Variants in EXT2 observed in about 807,000 individuals in gnomAD.
EXT2 encodes exostosin glycosyltransferase 2, also known as exostosin-2.
Under a neutral mutation model 81.6 loss-of-function variants are expected in EXT2, and 53 were observed. The ratio of observed to expected loss-of-function variants is 0.65; its 90% CI spans 0.52 to 0.82. EXT2 has a LOEUF of 0.82. EXT2 is among the 40% of genes least tolerant of loss of function. The pLI is 0.00. For missense variants in EXT2, 774 were observed against 910.2 expected (o/e 0.85, Z 1.93); for synonymous variants, 320 against 340.0 (o/e 0.94, Z 0.65).
chr11:44,198,083 T>A, intron 9 of EXT2, 65 bp downstream of exon 9: 1 of 1,531,484 alleles, frequency 6.5e-7, no homozygotes, highest in Non-Finnish European at 9.0e-7. Flanking sequence ...TCACATCCTT[T>A]GTTTTAAATA....
rs1366587241 is a variant in EXT2 at position 44,245,084 on chromosome 11, T to G, written c.*797T>G. On this transcript the variant is annotated 3_prime_UTR_variant, in exon 14 of 14. Coordinates refer to ENST00000533608, the MANE Select transcript of EXT2 (RefSeq NM_207122.2). ...TGTCTGATACCCTCTGCATCAAGCG[T>G]AAGAAGGTCCCAAATCATAACCATT... 2 of 231,032 alleles carry G rather than the reference T, an allele frequency of 8.7e-6. No individual in the cohort carries two copies. Among genetic ancestry groups the G allele is most frequent in the Non-Finnish European group, 1.7e-5 (2 of 116,718 alleles). 14.3% of individuals were successfully genotyped at this position (231,032 alleles called of 1,614,324 possible).
At chr11:44,236,841 T>C (rs986112417) in intron 13 of EXT2, among the ~76,000 whole-genome samples, 1 of 152,200 alleles carries the variant, frequency 6.6e-6, no homozygotes, top group Non-Finnish European at 1.5e-5. Flanking sequence ...AAAGCCCTCA[T>C]ATTACAGACA....
At chr11:44,188,827 C>A (rs1647425777) in intron 8 of EXT2, among the ~76,000 whole-genome samples, 2 of 152,152 alleles carry the variant, frequency 1.3e-5, no homozygotes, top group African/African-American at 4.8e-5. Flanking sequence ...CAACATACGT[C>A]TAAGCTGAGT....
chr11:44,248,224 C>G lies in EXT2; in HGVS notation c.*3937C>G, dbSNP rs1031322054. ...CACAGTGGGCTGTTCCCCAAGCAGC[C>G]CTGGCACAGAGAGGCAGAGTAGAGA... is the stretch of plus-strand genomic sequence containing the variant. On this transcript the variant is annotated 3_prime_UTR_variant, in exon 14 of 14. Coordinates refer to ENST00000533608, the MANE Select transcript of EXT2 (RefSeq NM_207122.2). 2.0e-5 allele frequency among the ~76,000 whole-genome samples: 3 copies of G among 152,176 alleles called. No homozygotes were observed. The highest frequency in any genetic ancestry group is 4.4e-5 in the Non-Finnish European group (3 of 68,044).
chr11:44,137,944 A>T (rs1011202732), intron 7 of EXT2, among the ~76,000 whole-genome samples: 2 of 152,300 alleles, frequency 1.3e-5, no homozygotes, highest in Non-Finnish European at 2.9e-5. Flanking sequence ...TAATACATAA[A>T]TTATAAGGCC....
chr11:44,107,300 C>A (rs959688960), intron 1 of EXT2, among the ~76,000 whole-genome samples: 1 of 151,990 alleles, frequency 6.6e-6, no homozygotes, highest in Non-Finnish European at 1.5e-5. Flanking sequence ...GAAATAGGTA[C>A]ATTAAAAGTA....
At chr11:44,184,129 T>A (rs1412402354) in intron 8 of EXT2, among the ~76,000 whole-genome samples, 1 of 152,258 alleles carries the variant, frequency 6.6e-6, no homozygotes, top group Non-Finnish European at 1.5e-5. Flanking sequence ...ACCACTCAGA[T>A]AATTCATTGA....
At position 44,152,018 on chromosome 11, in the gene EXT2, TGGTAAGGTGTCTGTTCA is replaced by T. The variant is rs546379157; in HGVS notation, c.1174-19589_1174-19573del. Among the ~76,000 whole-genome samples the T allele has an allele frequency of 2.7e-3, 408 of 152,368 alleles. 3 individuals are homozygous for T. Among genetic ancestry groups the T allele is most frequent in the African/African-American group, 9.4e-3 (390 of 41,594 alleles). On this transcript the variant is annotated intron_variant, in intron 7 of 13. Coordinates refer to ENST00000533608, the MANE Select transcript of EXT2 (RefSeq NM_207122.2). ...TTACTTGCCATCTATGTATGTTCTT[TGGTAAGGTGTCTGTTCA>T]GGTCTTTTGCCATTTTTTAATCTGA...
At position 44,244,764 on chromosome 11, in the gene EXT2, C is replaced by G. The variant is rs1956077813; in HGVS notation, c.*477C>G. 3.9e-6 allele frequency: 1 copy of G among 259,006 alleles called. No individual in the cohort carries two copies. The highest frequency in any genetic ancestry group is 7.5e-6 in the Non-Finnish European group (1 of 132,816). The allele number at this position is 259,006 out of a possible 1,614,324, so 16.0% of individuals were successfully genotyped here. ...AGGGAACCAAACCCAGAATTCGGTG[C>G]AAAAGCCAAACATCTTGGTGGGATT... On this transcript the variant is annotated 3_prime_UTR_variant, in exon 14 of 14. Transcript: ENST00000533608.
In EXT2 at chr11:44,185,061, TCTGTGTAC is replaced by T. The variant is rs1955291873; in HGVS notation, c.1306-12767_1306-12760del. On this transcript the variant is annotated intron_variant, in intron 8 of 13. Transcript: ENST00000533608. ...AGAAAGAAAAGTGACTTTTGTTGCTTCTGTGTACTAGTGAGAGACTTTTTCTGGCCCAC... is the reference window on the plus strand; with the variant it reads ...AGAAAGAAAAGTGACTTTTGTTGCTTTAGTGAGAGACTTTTTCTGGCCCAC... Among the ~76,000 whole-genome samples the T allele has an allele frequency of 2.6e-5, 4 of 152,308 alleles. No homozygotes were observed. The South Asian group carries it at 8.3e-4, about 32-fold the overall frequency.
chr11:44,224,460 C>T (rs556631356), intron 10 of EXT2, among the ~76,000 whole-genome samples: 2 of 151,738 alleles, frequency 1.3e-5, no homozygotes, highest in Non-Finnish European at 2.9e-5. Flanking sequence ...ATACTTTGGA[C>T]TTTAGTTTTG....
At chr11:44,191,204 A>G (rs1955387250) in intron 8 of EXT2, among the ~76,000 whole-genome samples, 1 of 152,204 alleles carries the variant, frequency 6.6e-6, no homozygotes, top group Non-Finnish European at 1.5e-5. Flanking sequence ...CAATTTAACA[A>G]TGTGAGATTT....
At chr11:44,135,391 T>TTC (rs1491454615) in intron 7 of EXT2, among the ~76,000 whole-genome samples, 151 of 2,546 alleles carry the variant, frequency 0.059, no homozygotes, top group Middle Eastern at 0.33. Context: ...ATGGAAATAC[T>TTC]TTTTTTTTTT....
intron 7 of EXT2, among the ~76,000 whole-genome samples, chr11:44,155,705 AGTT>A (rs1271427036): frequency 1.3e-5 from 2 of 152,236 alleles, no homozygotes; most frequent in Admixed American, 6.5e-5. Context: ...TGTCTTGAAA[AGTT>A]GTTGTAGCTA....
At chr11:44,100,692 G>A (rs1590539074) in intron 1 of EXT2, among the ~76,000 whole-genome samples, 1 of 152,088 alleles carries the variant, frequency 6.6e-6, no homozygotes, top group Non-Finnish European at 1.5e-5. Context: ...GTTGAAGGTC[G>A]GGCCCAGAAT....
At chr11:44,191,127 CTTT>C (rs1327479801) in intron 8 of EXT2, among the ~76,000 whole-genome samples, 3 of 152,208 alleles carry the variant, frequency 2.0e-5, no homozygotes, top group African/African-American at 7.2e-5. Context: ...AATAAAAGAA[CTTT>C]TCTGCAGCTG....
intron 7 of EXT2, among the ~76,000 whole-genome samples, chr11:44,153,284 G>T (rs1264925407): frequency 6.6e-6 from 1 of 152,080 alleles, no homozygotes; most frequent in Non-Finnish European, 1.5e-5. Context: ...AATGTAAATG[G>T]TGATGGGTTT....
At chr11:44,122,034 A>G (rs765905984) in intron 4 of EXT2, among the ~76,000 whole-genome samples, 1 of 152,068 alleles carries the variant, frequency 6.6e-6, no homozygotes, top group Non-Finnish European at 1.5e-5. Flanking sequence ...CTGCCTGGAC[A>G]TCCTCTTTAC....
rs1955072065 is a variant in EXT2, at chr11:44,171,473, C to CA, written c.1174-137dup. The CA allele has an allele frequency of 4.9e-6, 6 of 1,234,904 alleles. No individual in the cohort carries two copies. In the Admixed American group the frequency reaches 1.0e-4, roughly 21 times the overall value. The allele number at this position is 1,234,904 out of a possible 1,614,324, so 76.5% of individuals were successfully genotyped here. A position where few individuals can be genotyped will look rare whatever the true frequency, so the allele number is the denominator to read the frequency against. ...GGCAGCTGGCTTGAACAGCAGGGAG[C>CA]ATATGCCCTAGGCACCCCCATCCCT... On this transcript the variant is annotated intron_variant, in intron 7 of 13. Coordinates refer to ENST00000533608, the MANE Select transcript of EXT2 (RefSeq NM_207122.2).
Sources: allele counts gnomAD v4.1 joint callset (sites outside exome capture counted in the v4.1 genomes callset), GRCh38; gene constraint gnomAD v4.1.1; transcripts MANE v1.5; gene names NCBI Gene and HGNC (gene_info 2026-07-23, HGNC 2026-07-21).